Variants in C16orf92 observed in about 807,000 individuals in gnomAD.
C16orf92 encodes fertilization-influencing membrane protein.
In C16orf92, 14 loss-of-function variants were observed where a neutral mutation model predicts 13.7. The ratio of observed to expected loss-of-function variants is 1.02; its 90% CI spans 0.67 to 1.60. The LOEUF (loss-of-function observed/expected upper bound fraction) is 1.60, where lower values mean the gene tolerates loss of function less well. Ranked by LOEUF, C16orf92 falls within the 40% of genes most tolerant of loss-of-function variation. The pLI, the probability that C16orf92 is intolerant of heterozygous loss-of-function variation, is 0.00. For missense variants in C16orf92, 116 were observed against 139.0 expected, an observed-to-expected ratio of 0.83 and a Z score of 0.83; for synonymous variants, 50 against 57.4, an observed-to-expected ratio of 0.87 and a Z score of 0.58.
At position 30,024,048 on chromosome 16, in the gene C16orf92, G is replaced by A. The variant is rs1318756035; in HGVS notation, c.273G>A (p.Val91=). Residue 91 remains valine, a synonymous_variant, in exon 3 of 4, where the codon GTG becomes GTA. Coordinates refer to ENST00000681219, the MANE Select transcript of C16orf92 (RefSeq NM_001109659.2). ...ACATCCTGGTGGGCTTGCTGGTGGT[G>A]GCGTTCTTCTTTCTCCTTTTCCAGT... ...FHHILVGLLV[V]AFFFLLFQFC... is the part of the protein sequence containing the mutation. 4 of 1,614,042 alleles carry A rather than the reference G, an allele frequency of 2.5e-6. No homozygotes were observed. The East Asian group carries it at 6.7e-5, about 27-fold the overall frequency.
At position 30,023,272 on chromosome 16, in the gene C16orf92, C is replaced by T. The variant is rs887181203; in HGVS notation, c.-69C>T. On this transcript the variant is annotated 5_prime_UTR_variant, in exon 1 of 4. Coordinates refer to ENST00000681219, the MANE Select transcript of C16orf92 (RefSeq NM_001109659.2). Reference sequence around the variant, plus strand: ...CCCAGCTCCTAGCACTTTCTCCCCTCACCCCAAAGTGCCATCAGAACAGCT... The same window carrying T: ...CCCAGCTCCTAGCACTTTCTCCCCTTACCCCAAAGTGCCATCAGAACAGCT... 1 of 1,413,404 alleles carries T rather than the reference C, an allele frequency of 7.1e-7. No homozygotes were observed. Among genetic ancestry groups the T allele is most frequent in the African/African-American group, 1.4e-5 (1 of 70,616 alleles). The allele number at this position is 1,413,404 out of a possible 1,614,324, so 87.6% of individuals were successfully genotyped here.
At position 30,024,591 on chromosome 16, in the gene C16orf92, G is replaced by GC; in HGVS notation, c.*369dup. On this transcript the variant is annotated 3_prime_UTR_variant, in exon 4 of 4. Transcript: ENST00000681219. ...GGTGAGGGACTGGGCGCCCTCGCCT[G>GC]CCCCCGGGGTTGTCAGCACTGGGAA... The GC allele has an allele frequency of 3.2e-6, 1 of 310,750 alleles. No homozygotes were observed. Among genetic ancestry groups the GC allele is most frequent in the Non-Finnish European group, 6.0e-6 (1 of 167,944 alleles). The allele number at this position is 310,750 out of a possible 1,614,324, so 19.2% of individuals were successfully genotyped here. A position where few individuals can be genotyped will look rare whatever the true frequency, so the allele number is the denominator to read the frequency against.
downstream of C16orf92, chr16:30,025,532 T>C: frequency 1.9e-6 from 3 of 1,591,592 alleles, no homozygotes; most frequent in Non-Finnish European, 2.6e-6. The surrounding 1 kb of genome is among the most constrained non-coding windows in gnomAD (Gnocchi z 4.1). Context: ...GCCCTCTCCC[T>C]GCCTCCCTGC....
chr16:30,025,771 T>C, downstream of C16orf92: 1 of 1,614,146 alleles, frequency 6.2e-7, no homozygotes, highest in Non-Finnish European at 8.5e-7. This position sits in a 1 kb window ranked among gnomAD's most constrained non-coding sequence, Gnocchi z 4.1. Flanking sequence ...TGCTGACCTC[T>C]GCCATCAACA....
chr16:30,023,670 G>A (rs757115535), intron 1 of C16orf92, 57 bp from the exon 2 acceptor site: 34 of 1,613,794 alleles, frequency 2.1e-5, no homozygotes, highest in South Asian at 2.1e-4. Context: ...CTTCCGCCTC[G>A]AGAGATAAAG....
downstream of C16orf92, chr16:30,026,577 G>C: frequency 1.3e-6 from 2 of 1,579,748 alleles, no homozygotes; most frequent in African/African-American, 1.3e-5. Context: ...CAGGCCACCC[G>C]CACCCCGCCC....
downstream of C16orf92, chr16:30,025,521 G>A (rs1249090539): frequency 2.5e-6 from 4 of 1,601,078 alleles, no homozygotes; most frequent in Non-Finnish European, 3.4e-6. The surrounding 1 kb of genome is among the most constrained non-coding windows in gnomAD (Gnocchi z 4.1). Flanking sequence ...GGCCCCCCTT[G>A]GCCCTCTCCC....
Position 30,024,342 on chromosome 16 carries a change from G to A in C16orf92, c.*115G>A. On this transcript the variant is annotated 3_prime_UTR_variant, in exon 4 of 4. Transcript: ENST00000681219. The stretch of plus-strand genomic sequence containing the variant: ...CCTGACTGCCCAGCGAGCAGCTGGG[G>A]ATCCTGTCCCCTCTGTTTCCCATGG... 3 of 1,367,906 alleles carry A rather than the reference G, an allele frequency of 2.2e-6. No individual in the cohort carries two copies. The highest frequency in any genetic ancestry group is 2.0e-6 in the Non-Finnish European group (2 of 995,780). 84.7% of individuals were successfully genotyped at this position (1,367,906 alleles called of 1,614,324 possible). A position where few individuals can be genotyped will look rare whatever the true frequency, so the allele number is the denominator to read the frequency against.
Position 30,024,281 on chromosome 16 carries a change from C to G in C16orf92, c.*54C>G, listed in dbSNP as rs2070986914. 6.3e-7 allele frequency: 1 copy of G among 1,588,012 alleles called. No individual in the cohort carries two copies. Among genetic ancestry groups the G allele is most frequent in the Non-Finnish European group, 8.6e-7 (1 of 1,158,498 alleles). On this transcript the variant is annotated 3_prime_UTR_variant, in exon 4 of 4. Coordinates refer to ENST00000681219, the MANE Select transcript of C16orf92 (RefSeq NM_001109659.2). ...CTGAGCACCCACACCCACCTCCTCT[C>G]CTGTTGATGAGCAAAAGTTCCCTGC...
chr16:30,023,886 G>T lies in C16orf92; in HGVS notation c.223+1G>T. 6.2e-7 allele frequency: 1 copy of T among 1,609,588 alleles called. No individual in the cohort carries two copies. Among genetic ancestry groups the T allele is most frequent in the Non-Finnish European group, 8.5e-7 (1 of 1,175,910 alleles). On this transcript the variant is annotated splice_donor_variant, in intron 2 of 3. Transcript: ENST00000681219. LOFTEE classifies it high-confidence loss of function. ...AAACCCATCGTGTTCATTAACTCAG[G>T]TATGAACCAGCTTGAGAAGGGACCT...
In C16orf92 at chr16:30,024,702, C is replaced by T. The variant is rs900241778; in HGVS notation, c.*475C>T. ...AATAAATAAAATAAATAAGATTCCT[C>T]AAGCTGGCCTACCCTGGAGAGGAGC... On this transcript the variant is annotated 3_prime_UTR_variant, in exon 4 of 4. Transcript: ENST00000681219. The T allele has an allele frequency of 1.1e-5, 2 of 187,344 alleles. No individual in the cohort carries two copies. Among genetic ancestry groups the T allele is most frequent in the African/African-American group, 4.7e-5 (2 of 42,476 alleles). 11.6% of individuals were successfully genotyped at this position (187,344 alleles called of 1,614,324 possible). A position where few individuals can be genotyped will look rare whatever the true frequency, so the allele number is the denominator to read the frequency against.
chr16:30,025,969 C>T, downstream of C16orf92: 1 of 648,438 alleles, frequency 1.5e-6, no homozygotes, highest in South Asian at 1.8e-5. The surrounding 1 kb of genome is among the most constrained non-coding windows in gnomAD (Gnocchi z 4.1). Flanking sequence ...TGCAGTGGCT[C>T]ACGCCGGTAA....
chr16:30,025,012 C>T, downstream of C16orf92: 1 of 547,440 alleles, frequency 1.8e-6, no homozygotes. This position sits in a 1 kb window ranked among gnomAD's most constrained non-coding sequence, Gnocchi z 4.1. Flanking sequence ...GAGGTCCCCT[C>T]TCTCCACCCC....
chr16:30,023,514 C>G (rs1201562916), intron 1 of C16orf92, 110 bp downstream of exon 1: 11 of 1,384,574 alleles, frequency 7.9e-6, no homozygotes, highest in Non-Finnish European at 9.1e-6. Flanking sequence ...ATTTTCTCTC[C>G]ACTCTTCTCT....
At chr16:30,024,137 A>G in intron 3 of C16orf92, 51 bp downstream of exon 3, 2 of 1,607,678 alleles carry the variant, frequency 1.2e-6, no homozygotes, top group Non-Finnish European at 1.7e-6. Context: ...CTTCCTTGGG[A>G]GCGGCTGAAG....
downstream of C16orf92, chr16:30,026,659 T>C (rs1567297278): frequency 1.2e-6 from 2 of 1,613,280 alleles, no homozygotes; most frequent in Admixed American, 3.3e-5. Context: ...TGGAGCACCA[T>C]GAGGAACTCC....
Position 30,023,827 on chromosome 16 carries a change from C to T in C16orf92, c.165C>T (p.Ala55=). Residue 55 remains alanine (A), a synonymous_variant, in exon 2 of 4, where the codon GCC becomes GCT. Transcript: ENST00000681219. ...DFFDYPDSDQ[A]RLLAVAQFIG... ...TCGATTATCCGGACTCAGACCAAGC[C>T]AGGCTGCTGGCTGTGGCCCAGTTTA... 6.2e-7 allele frequency: 1 copy of T among 1,614,164 alleles called. No homozygotes were observed. Among genetic ancestry groups the T allele is most frequent in the Non-Finnish European group, 8.5e-7 (1 of 1,180,012 alleles).
Position 30,024,051 on chromosome 16 carries a change from G to T in C16orf92, c.276G>T (p.Ala92=), listed in dbSNP as rs371571245. 7.4e-5 allele frequency: 119 copies of T among 1,613,856 alleles called. No homozygotes were observed. The highest frequency in any genetic ancestry group is 9.7e-5 in the Non-Finnish European group (115 of 1,179,928). Residue 92 remains alanine (A), a synonymous_variant, in exon 3 of 4, where the codon GCG becomes GCT. Transcript: ENST00000681219. Reference sequence around the variant, plus strand: ...TCCTGGTGGGCTTGCTGGTGGTGGCGTTCTTCTTTCTCCTTTTCCAGTTCT... The same window carrying T: ...TCCTGGTGGGCTTGCTGGTGGTGGCTTTCTTCTTTCTCCTTTTCCAGTTCT... ...HHILVGLLVV[A]FFFLLFQFCT... is the part of the protein sequence containing the mutation.
At chr16:30,023,641 T>C in intron 1 of C16orf92, 86 bp from the exon 2 acceptor site, 2 of 1,610,218 alleles carry the variant, frequency 1.2e-6, no homozygotes, top group South Asian at 2.2e-5. Context: ...CTGGGTGGTC[T>C]CACAGGGTCC....
Sources: allele counts gnomAD v4.1 joint callset, GRCh38; gene constraint gnomAD v4.1.1; non-coding constraint Gnocchi (gnomAD v3.1); transcripts MANE v1.5; gene names NCBI Gene and HGNC (gene_info 2026-07-23, HGNC 2026-07-21).